The following TLE1 variants were observed in gnomAD, a reference collection of about 807,000 sequenced individuals.
TLE1 encodes transducin-like enhancer protein 1.
A neutral mutation model predicts 89.8 loss-of-function variants in TLE1; 21 were observed. The ratio of observed to expected loss-of-function variants is 0.23; its 90% CI spans 0.17 to 0.34. The LOEUF (loss-of-function observed/expected upper bound fraction) is 0.34. Ranked by LOEUF, TLE1 falls within the 10% of genes least tolerant of loss-of-function variation. The pLI, the probability that TLE1 is intolerant of heterozygous loss-of-function variation, is 1.00. For synonymous variants in TLE1, 447 were observed against 407.6 expected (o/e 1.10, Z -1.16); for missense variants, 795 against 1,031.2 (o/e 0.77, Z 3.14).
At chr9:81,625,620 T>C (rs1029082062) in intron 8 of TLE1, among the ~76,000 whole-genome samples, 1 of 152,164 alleles carries the variant, frequency 6.6e-6, no homozygotes, top group African/African-American at 2.4e-5. Context: ...GAACTTACAA[T>C]GTAAGTAGGT....
chr9:81,637,381 G>A (rs1043715932), intron 6 of TLE1, among the ~76,000 whole-genome samples: 1 of 152,104 alleles, frequency 6.6e-6, no homozygotes, highest in African/African-American at 2.4e-5. Context: ...GATGAACTGG[G>A]TAGTAGATTC....
intron 16 of TLE1, 42 bp downstream of exon 16, chr9:81,590,763 C>CT: frequency 1.3e-6 from 2 of 1,596,446 alleles, no homozygotes; most frequent in Non-Finnish European, 1.7e-6. Flanking sequence ...GGCCCAGCTG[C>CT]TAAAGAAGCG....
chr9:81,677,630 G>T (rs1833070360), intron 4 of TLE1, among the ~76,000 whole-genome samples: 1 of 150,548 alleles, frequency 6.6e-6, no homozygotes, highest in Admixed American at 6.6e-5. Flanking sequence ...CCAAGAGGTT[G>T]TACGTATACC....
chr9:81,600,181 A>T (rs1285859872), intron 14 of TLE1: 3 of 684,124 alleles, frequency 4.4e-6, no homozygotes, highest in Non-Finnish European at 8.1e-6. Context: ...AAGAGGCTTA[A>T]TATATTGCTA....
intron 9 of TLE1, 45 bp from the exon 10 acceptor site, chr9:81,616,744 A>T (rs1457479509): frequency 6.2e-7 from 1 of 1,607,182 alleles, no homozygotes; most frequent in East Asian, 2.2e-5. Flanking sequence ...AGCTAAGAAT[A>T]GGTTTGAGGC....
intron 8 of TLE1, among the ~76,000 whole-genome samples, chr9:81,626,653 T>C (rs1168149272): frequency 6.6e-6 from 1 of 152,184 alleles, no homozygotes; most frequent in Non-Finnish European, 1.5e-5. Flanking sequence ...AGTGCATTCC[T>C]GCAACTCGAT....
chr9:81,660,387 G>T (rs998670235), intron 4 of TLE1, among the ~76,000 whole-genome samples: 1 of 150,690 alleles, frequency 6.6e-6, no homozygotes, highest in East Asian at 2.0e-4. Context: ...TAAAATTCAT[G>T]TACATGTATG....
Position 81,678,700 on chromosome 9 carries a change from G to A in TLE1, c.234+6976C>T, listed in dbSNP as rs185885686. On this transcript the variant is annotated intron_variant, in intron 4 of 19. Coordinates refer to ENST00000376499, the MANE Select transcript of TLE1 (RefSeq NM_005077.5). ...TGTGGTGGCACGTGCCTGTAATCCCGGATACTTGGAAGGCTGAGGCAGGGG... is the reference window on the plus strand; with the variant it reads ...TGTGGTGGCACGTGCCTGTAATCCCAGATACTTGGAAGGCTGAGGCAGGGG... Among the ~76,000 whole-genome samples the A allele has an allele frequency of 4.6e-5, 7 of 152,062 alleles. No homozygotes were observed. In the East Asian group the frequency reaches 5.8e-4, roughly 13 times the overall value.
intron 4 of TLE1, among the ~76,000 whole-genome samples, chr9:81,666,174 GC>G (rs1351440287): frequency 5.3e-5 from 8 of 152,146 alleles, no homozygotes; most frequent in Admixed American, 1.3e-4. Flanking sequence ...AAAAAGGACA[GC>G]TTTTGGTGGG....
intron 6 of TLE1, among the ~76,000 whole-genome samples, chr9:81,650,211 G>A (rs767885851): frequency 1.3e-5 from 2 of 152,134 alleles, no homozygotes; most frequent in Admixed American, 6.5e-5. Flanking sequence ...TTTATTCTCT[G>A]ATTCAGCTCA....
chr9:81,587,910 G>GTATGTGTGTGTGTGTGTCATCCCGCC, intron 16 of TLE1, 82 bp from the exon 17 acceptor site: 1 of 797,606 alleles, frequency 1.3e-6, no homozygotes. Context: ...TTTGGACCGT[G>GTATGTGTGTGTGTGTGTCATCCCGCC]TGTGTGTGTG....
At chr9:81,646,473 T>C (rs1025184653) in intron 6 of TLE1, among the ~76,000 whole-genome samples, 1 of 152,208 alleles carries the variant, frequency 6.6e-6, no homozygotes, top group African/African-American at 2.4e-5. Context: ...TAGCAGGATA[T>C]GCATTATTCT....
intron 8 of TLE1, among the ~76,000 whole-genome samples, chr9:81,630,453 AT>A (rs1304544450): frequency 2.0e-5 from 3 of 152,238 alleles, no homozygotes; most frequent in Non-Finnish European, 4.4e-5. Flanking sequence ...CACAATTTAA[AT>A]TAAGTAGCTC....
intron 8 of TLE1, chr9:81,620,822 T>A: frequency 8.8e-7 from 1 of 1,141,794 alleles, no homozygotes; most frequent in Non-Finnish European, 1.2e-6. Context: ...TCCTATTTAC[T>A]GTTTGAGAAA....
chr9:81,625,097 T>C (rs1045085998), intron 8 of TLE1, among the ~76,000 whole-genome samples: 1 of 152,092 alleles, frequency 6.6e-6, no homozygotes, highest in African/African-American at 2.4e-5. Flanking sequence ...ATAACTTTTA[T>C]ATAGAAAGTA....
chr9:81,656,533 T>C (rs1830168906), intron 4 of TLE1, among the ~76,000 whole-genome samples: 1 of 152,210 alleles, frequency 6.6e-6, no homozygotes, highest in South Asian at 2.1e-4. Context: ...CCTGAGCCCA[T>C]CATCCAAGGA....
chr9:81,683,441 C>T (rs1833871632), intron 4 of TLE1, among the ~76,000 whole-genome samples: 2 of 152,018 alleles, frequency 1.3e-5, no homozygotes, highest in Non-Finnish European at 1.5e-5. Context: ...GCACTTAGGC[C>T]ATGCTGGTGA....
intron 4 of TLE1, among the ~76,000 whole-genome samples, chr9:81,683,203 A>T (rs1416608197): frequency 6.6e-6 from 1 of 151,846 alleles, no homozygotes; most frequent in Non-Finnish European, 1.5e-5. Flanking sequence ...CTCTGTACGG[A>T]AAGTTTCCCC....
chr9:81,617,792 G>A (rs1376792937), intron 9 of TLE1, among the ~76,000 whole-genome samples: 3 of 152,108 alleles, frequency 2.0e-5, no homozygotes, highest in Non-Finnish European at 4.4e-5. Context: ...TTGGGAGGCC[G>A]AGGCAGGTGG....
Sources: allele counts gnomAD v4.1 joint callset (sites outside exome capture counted in the v4.1 genomes callset), GRCh38; gene constraint gnomAD v4.1.1; transcripts MANE v1.5; gene names NCBI Gene and HGNC (gene_info 2026-07-23, HGNC 2026-07-21).